WDHD1: variants seen among roughly 807,000 people sequenced by gnomAD.
WDHD1 encodes WD repeat and HMG-box DNA binding protein 1, also known as WD repeat and HMG-box DNA-binding protein 1.
A neutral mutation model predicts 135.4 loss-of-function variants in WDHD1; 111 were observed. The observed-to-expected ratio is 0.82, with a 90% CI of 0.70 to 0.96. The LOEUF (loss-of-function observed/expected upper bound fraction) is 0.96, where lower values mean the gene tolerates loss of function less well. Ranked by LOEUF, WDHD1 falls within the 40% of genes least tolerant of loss-of-function variation. WDHD1 has a pLI of 0.00. For missense variants in WDHD1, 1,351 were observed against 1,336.3 expected (o/e 1.01, Z -0.17); for synonymous variants, 434 against 439.0 (o/e 0.99, Z 0.14).
At chr14:55,015,980 T>G (rs1276119668) in intron 2 of WDHD1, among the ~76,000 whole-genome samples, 1 of 152,250 alleles carries the variant, frequency 6.6e-6, no homozygotes, top group East Asian at 1.9e-4. Context: ...ATTATAGGCA[T>G]GAGCCACCAC....
chr14:54,962,638 A>G, intron 20 of WDHD1, 87 bp from the exon 21 acceptor site: 1 of 1,531,126 alleles, frequency 6.5e-7, no homozygotes, highest in Non-Finnish European at 9.0e-7. Context: ...AAGAGGTCTG[A>G]AAAAAAGTAT....
In WDHD1 at chr14:54,941,567, T is replaced by G; in HGVS notation, c.3313A>C (p.Asn1105His). ...NQEEKAKENLNLSKKQKPLDF... is the reference protein window; with the variant it reads ...NQEEKAKENLHLSKKQKPLDF... ...AAAGGTTTCTGCTTTTTAGACAAAT[T>G]CAGGTTCTCTTTTGCTTTTTCTTCC... is the stretch of plus-strand genomic sequence containing the variant. The change falls in exon 26 of 26, where the codon AAT (asparagine) becomes CAT (histidine). Residue 1105 changes from asparagine to histidine, a missense_variant. Coordinates refer to ENST00000360586, the MANE Select transcript of WDHD1 (RefSeq NM_007086.4). The G allele has an allele frequency of 3.1e-6, 5 of 1,614,000 alleles. No homozygotes were observed. The highest frequency in any genetic ancestry group is 4.2e-6 in the Non-Finnish European group (5 of 1,179,952).
intron 21 of WDHD1, among the ~76,000 whole-genome samples, chr14:54,961,409 C>T (rs966163936): frequency 2.6e-5 from 4 of 152,186 alleles, no homozygotes; most frequent in African/African-American, 9.6e-5. Context: ...CCCATCACTC[C>T]GAAACCCTTC....
At chr14:54,957,295 T>G in intron 22 of WDHD1, 91 bp from the exon 23 acceptor site, 2 of 1,372,572 alleles carry the variant, frequency 1.5e-6, no homozygotes, top group Admixed American at 2.4e-5. Context: ...TCTGTTAAGT[T>G]TGTATTGCCA....
intron 18 of WDHD1, among the ~76,000 whole-genome samples, chr14:54,964,742 C>A (rs1021925539): frequency 6.6e-6 from 1 of 152,122 alleles, no homozygotes; most frequent in African/African-American, 2.4e-5. Context: ...AAGAACTCAA[C>A]AATCCCCTTG....
chr14:55,015,573 T>A (rs1295417178), intron 2 of WDHD1, among the ~76,000 whole-genome samples: 1 of 152,104 alleles, frequency 6.6e-6, no homozygotes, highest in East Asian at 1.9e-4. Context: ...ACAAATCCTT[T>A]CGGGGACAAC....
chr14:54,990,549 T>C (rs1403425240), intron 12 of WDHD1, among the ~76,000 whole-genome samples: 2 of 151,500 alleles, frequency 1.3e-5, no homozygotes, highest in African/African-American at 2.4e-5. Context: ...TGAGCAGAGA[T>C]TGTGCCACTG....
intron 10 of WDHD1, among the ~76,000 whole-genome samples, chr14:55,000,029 C>T (rs1442329816): frequency 1.3e-5 from 2 of 152,286 alleles, no homozygotes; most frequent in South Asian, 2.1e-4. Flanking sequence ...ATTAAGTCTG[C>T]AATCTGTAAC....
At chr14:54,992,308 T>A (rs1170896667) in intron 11 of WDHD1, among the ~76,000 whole-genome samples, 1 of 151,644 alleles carries the variant, frequency 6.6e-6, no homozygotes, top group Admixed American at 6.6e-5. Context: ...TTGACCTACA[T>A]AGTGAAACCC....
rs1210202207 is a variant in WDHD1 at position 54,941,358 on chromosome 14, A to G, written c.*132T>C. 1.4e-6 allele frequency: 1 copy of G among 728,048 alleles called. No individual in the cohort carries two copies. Among genetic ancestry groups the G allele is most frequent in the South Asian group, 2.5e-5 (1 of 39,846 alleles). The allele number at this position is 728,048 out of a possible 1,614,324, so 45.1% of individuals were successfully genotyped here. On this transcript the variant is annotated 3_prime_UTR_variant, in exon 26 of 26. Coordinates refer to ENST00000360586, the MANE Select transcript of WDHD1 (RefSeq NM_007086.4). The stretch of plus-strand genomic sequence containing the variant: ...CCTACACCAATATAATTACTACATT[A>G]TCTTATAAAGACAAACAGTTGCTTC...
chr14:54,960,458 A>G (rs1299527441), intron 21 of WDHD1, among the ~76,000 whole-genome samples: 1 of 151,830 alleles, frequency 6.6e-6, no homozygotes, highest in African/African-American at 2.4e-5. Flanking sequence ...GTGAGCCACC[A>G]CGCCCAGCTT....
At chr14:54,986,849 T>C (rs2041702336) in intron 14 of WDHD1, among the ~76,000 whole-genome samples, 1 of 152,156 alleles carries the variant, frequency 6.6e-6, no homozygotes, top group Non-Finnish European at 1.5e-5. Flanking sequence ...CTAGGAGTTA[T>C]TTTTGTGGAA....
intron 16 of WDHD1, among the ~76,000 whole-genome samples, chr14:54,977,373 G>A (rs183983994): frequency 4.9e-4 from 74 of 152,214 alleles, no homozygotes; most frequent in African/African-American, 1.7e-3. Flanking sequence ...TGCAGATAAC[G>A]TGATTTGTAA....
At chr14:54,954,683 ATTTAC>A (rs1393563788) in intron 24 of WDHD1, among the ~76,000 whole-genome samples, 1 of 152,186 alleles carries the variant, frequency 6.6e-6, no homozygotes, top group African/African-American at 2.4e-5. Flanking sequence ...CCATTTATGT[ATTTAC>A]TTTTTCTGAT....
Position 54,955,658 on chromosome 14 carries a change from G to A in WDHD1, c.2953C>T (p.Gln985Ter). The A allele has an allele frequency of 6.3e-7, 1 of 1,584,150 alleles. No homozygotes were observed. Among genetic ancestry groups the A allele is most frequent in the East Asian group, 2.3e-5 (1 of 42,556 alleles). ...AASYFQKRNS[Q>*]TNKTEEVKEE... ...TTCACTTCCTCAGTTTTATTAGTTT[G>A]AGAATTTCTTTTCTGGAAATAGGAT... Residue 985 changes from glutamine (Q) to a stop codon, truncating the protein, a stop_gained, in exon 24 of 26, where the codon CAA becomes TAA. Coordinates refer to ENST00000360586, the MANE Select transcript of WDHD1 (RefSeq NM_007086.4). LOFTEE classifies it high-confidence loss of function.
At chr14:54,963,386 T>A (rs1051481421) in intron 18 of WDHD1, among the ~76,000 whole-genome samples, 2 of 152,124 alleles carry the variant, frequency 1.3e-5, no homozygotes, top group African/African-American at 4.8e-5. Flanking sequence ...CATTTTTATG[T>A]CTCCATGGCT....
rs945115770 is a variant in WDHD1 at position 54,942,603 on chromosome 14, T to C, written c.3190-913A>G. 3.9e-5 allele frequency among the ~76,000 whole-genome samples: 6 copies of C among 152,306 alleles called. 1 individual carries two copies. Among genetic ancestry groups the C allele is most frequent in the Middle Eastern group, 6.8e-3 (2 of 294 alleles). ...ACTACTCTATTCTCCATCTTGATCA[T>C]GTTGTCATTTCAGGAATGTTATATA... On this transcript the variant is annotated intron_variant, in intron 25 of 25. Coordinates refer to ENST00000360586, the MANE Select transcript of WDHD1 (RefSeq NM_007086.4).
chr14:54,962,427 G>T, intron 21 of WDHD1, 71 bp downstream of exon 21: 1 of 1,170,542 alleles, frequency 8.5e-7, no homozygotes, highest in Non-Finnish European at 1.3e-6. Flanking sequence ...AGGTGTATTT[G>T]CGTAGATGTG....
chr14:54,991,109 T>C (rs552387053), intron 12 of WDHD1, 104 bp downstream of exon 12: 3 of 612,332 alleles, frequency 4.9e-6, no homozygotes, highest in African/African-American at 3.7e-5. Context: ...TCCAGGCTAC[T>C]TAATCAAAGT....
Sources: gnomAD v4.1 joint callset for allele counts (sites outside exome capture counted in the v4.1 genomes callset) on GRCh38, gnomAD v4.1.1 for gene constraint, MANE v1.5 for transcripts, NCBI Gene and HGNC (gene_info 2026-07-23, HGNC 2026-07-21) for gene names.